The following RHOBTB3 variants were observed in gnomAD, a reference collection of about 807,000 sequenced individuals.
RHOBTB3 encodes Rho related BTB domain containing 3.
In RHOBTB3, 47 loss-of-function variants were observed where a neutral mutation model predicts 67.2. The ratio of observed to expected loss-of-function variants is 0.70; its 90% CI spans 0.55 to 0.89. The LOEUF (loss-of-function observed/expected upper bound fraction) is 0.89. RHOBTB3 is among the 40% of genes least tolerant of loss of function. The pLI, the probability that RHOBTB3 is intolerant of heterozygous loss-of-function variation, is 0.00. For missense variants in RHOBTB3, 631 were observed against 750.0 expected (o/e 0.84, Z 1.85); for synonymous variants, 273 against 274.2 (o/e 1.00, Z 0.04).
Position 95,737,077 on chromosome 5 carries a change from T to C in RHOBTB3, c.415+2T>C. On this transcript the variant is annotated splice_donor_variant, in intron 3 of 11. Coordinates refer to ENST00000379982, the MANE Select transcript of RHOBTB3 (RefSeq NM_014899.4). LOFTEE classifies it high-confidence loss of function. ...CTGCTGTTGGTACCAGACAAAATGG[T>C]AAGTATTTAATATTCTTTTTTGTAG... The C allele has an allele frequency of 6.5e-7, 1 of 1,539,746 alleles. No individual in the cohort carries two copies. The highest frequency in any genetic ancestry group is 2.3e-5 in the East Asian group (1 of 44,212).
At position 95,793,755 on chromosome 5, in the gene RHOBTB3, C is replaced by G. The variant is rs981502383; in HGVS notation, c.*581C>G. ...TCATCTGGACAACCCAATTGAGCCA[C>G]TTTATCTCCTTTTGGCAATCTGAGT... On this transcript the variant is annotated 3_prime_UTR_variant, in exon 12 of 12. Transcript: ENST00000379982. 3.9e-6 allele frequency: 1 copy of G among 254,912 alleles called. No individual in the cohort carries two copies. Among genetic ancestry groups the G allele is most frequent in the Admixed American group, 4.9e-5 (1 of 20,272 alleles). 15.8% of individuals were successfully genotyped at this position (254,912 alleles called of 1,614,324 possible).
At chr5:95,777,884 A>G (rs551447184) in intron 8 of RHOBTB3, among the ~76,000 whole-genome samples, 5 of 152,292 alleles carry the variant, frequency 3.3e-5, no homozygotes, top group African/African-American at 1.2e-4. Flanking sequence ...TGAGAGGCTG[A>G]GGTGGGAGCA....
intron 4 of RHOBTB3, among the ~76,000 whole-genome samples, chr5:95,749,512 T>C (rs939920080): frequency 6.6e-6 from 1 of 152,214 alleles, no homozygotes; most frequent in African/African-American, 2.4e-5. Flanking sequence ...ATACTCACAA[T>C]ATTGATATTA....
Position 95,760,826 on chromosome 5 carries a change from G to A in RHOBTB3, c.1049-2682G>A, listed in dbSNP as rs541537408. On this transcript the variant is annotated intron_variant, in intron 6 of 11. Transcript: ENST00000379982. ...TTATATACTTAAAGTTTTCTAAGAGGGTAAATCTGATGTTAAATGTTTTTA... is the reference window on the plus strand; with the variant it reads ...TTATATACTTAAAGTTTTCTAAGAGAGTAAATCTGATGTTAAATGTTTTTA... Among the ~76,000 whole-genome samples the A allele has an allele frequency of 8.5e-5, 13 of 152,172 alleles. No individual in the cohort carries two copies. In the East Asian group the frequency reaches 2.5e-3, roughly 29 times the overall value.
intron 1 of RHOBTB3, among the ~76,000 whole-genome samples, chr5:95,718,146 A>G (rs1754738168): frequency 6.6e-6 from 1 of 152,182 alleles, no homozygotes; most frequent in Non-Finnish European, 1.5e-5. Context: ...CTGAACTAAA[A>G]GATACTTTCC....
chr5:95,785,260 C>T (rs749753818), intron 10 of RHOBTB3, among the ~76,000 whole-genome samples: 6 of 152,148 alleles, frequency 3.9e-5, no homozygotes, highest in Admixed American at 6.5e-5. Context: ...TCAAGTCTTA[C>T]GATCACATGT....
chr5:95,755,342 TG>T, intron 5 of RHOBTB3, 53 bp from the exon 6 acceptor site: 1 of 1,255,832 alleles, frequency 8.0e-7, no homozygotes, highest in Non-Finnish European at 1.1e-6. Context: ...ATGAAATTGT[TG>T]GGTCTGTAAA....
chr5:95,762,736 T>C (rs534797961), intron 6 of RHOBTB3, among the ~76,000 whole-genome samples: 83 of 152,256 alleles, frequency 5.5e-4, no homozygotes, highest in Non-Finnish European at 1.1e-3. Context: ...ATGGATTTGA[T>C]GGGGAAAAGG....
At chr5:95,788,134 G>T (rs1331597099) in intron 10 of RHOBTB3, among the ~76,000 whole-genome samples, 2 of 152,266 alleles carry the variant, frequency 1.3e-5, no homozygotes, top group Non-Finnish European at 2.9e-5. Flanking sequence ...AGTGTCACTG[G>T]ATGGGCACCA....
chr5:95,731,047 A>T, upstream of RHOBTB3: 1 of 1,032,238 alleles, frequency 9.7e-7, no homozygotes, highest in Non-Finnish European at 1.3e-6. Flanking sequence ...GGCTCTGGTT[A>T]CGGCCTTGCG....
chr5:95,737,626 A>G (rs1755484666), intron 3 of RHOBTB3, among the ~76,000 whole-genome samples: 1 of 152,236 alleles, frequency 6.6e-6, no homozygotes, highest in Non-Finnish European at 1.5e-5. Context: ...CTCAGGATTC[A>G]GTTTGATTTG....
chr5:95,762,270 G>A (rs762546426), intron 6 of RHOBTB3, among the ~76,000 whole-genome samples: 3 of 152,214 alleles, frequency 2.0e-5, no homozygotes, highest in Non-Finnish European at 4.4e-5. Flanking sequence ...TTAGTGCTTA[G>A]TGCTGCAGGG....
intron 8 of RHOBTB3, among the ~76,000 whole-genome samples, chr5:95,776,969 C>G (rs1016847282): frequency 4.6e-5 from 7 of 152,094 alleles, no homozygotes; most frequent in African/African-American, 1.7e-4. Flanking sequence ...GGCCTTCCCC[C>G]AAAACTGGCT....
chr5:95,792,934 T>C (rs1027812326), intron 11 of RHOBTB3, 125 bp from the exon 12 acceptor site: 6 of 593,056 alleles, frequency 1.0e-5, no homozygotes, highest in Non-Finnish European at 1.5e-5. Flanking sequence ...GGAAAACTTG[T>C]GGGAATGGTA....
Position 95,763,509 on chromosome 5 carries a change from T to C in RHOBTB3, c.1050T>C (p.Gly350=). 1 of 1,594,970 alleles carries C rather than the reference T, an allele frequency of 6.3e-7. No homozygotes were observed. Among genetic ancestry groups the C allele is most frequent in the Non-Finnish European group, 8.6e-7 (1 of 1,163,280 alleles). Residue 350 remains glycine, a splice_region_variant and synonymous_variant, in exon 7 of 12, where the codon GGT becomes GGC. Coordinates refer to ENST00000379982, the MANE Select transcript of RHOBTB3 (RefSeq NM_014899.4). ...CAGCATGTACTAATTTGTTTACAGG[T>C]GCTTTTCAGTGGGAAGAATTGGAAG... is the stretch of plus-strand genomic sequence containing the variant. ...LSDILRFIYS[G]AFQWEELEED...
intron 9 of RHOBTB3, 192 bp from the exon 10 acceptor site, chr5:95,783,605 A>G (rs1580428924): frequency 1.4e-5 from 5 of 345,746 alleles, no homozygotes; most frequent in East Asian, 1.4e-4. Flanking sequence ...GAAAGGAAAG[A>G]AAAAAAAGAT....
intron 2 of RHOBTB3, 109 bp from the exon 3 acceptor site, chr5:95,736,776 GTTAC>G (rs1025619139): frequency 8.9e-6 from 6 of 672,910 alleles, no homozygotes; most frequent in Admixed American, 7.0e-5. Flanking sequence ...ATTTCAAGTA[GTTAC>G]TTATTTTAAA....
At chr5:95,763,829 T>TGTGTGTGTGA (rs1324728108) in intron 7 of RHOBTB3, among the ~76,000 whole-genome samples, 4 of 151,732 alleles carry the variant, frequency 2.6e-5, no homozygotes, top group African/African-American at 7.3e-5. Flanking sequence ...TGTGTGTGTG[T>TGTGTGTGTGA]GAGACAGAGA....
intron 8 of RHOBTB3, among the ~76,000 whole-genome samples, chr5:95,778,765 A>G (rs1745965316): frequency 6.6e-6 from 1 of 152,236 alleles, no homozygotes; most frequent in African/African-American, 2.4e-5. Flanking sequence ...ATTCTTTATT[A>G]ACTGCTGTAT....
Sources: allele counts gnomAD v4.1 joint callset (sites outside exome capture counted in the v4.1 genomes callset), GRCh38; gene constraint gnomAD v4.1.1; transcripts MANE v1.5; gene names NCBI Gene and HGNC (gene_info 2026-07-23, HGNC 2026-07-21).